ARRB1: variants seen among roughly 807,000 people sequenced by gnomAD.
ARRB1 encodes beta-arrestin-1.
A neutral mutation model predicts 56.8 loss-of-function variants in ARRB1; 21 were observed. That is an observed-to-expected ratio of 0.37 (90% CI 0.26 to 0.53). The LOEUF (loss-of-function observed/expected upper bound fraction) is 0.53. Ranked by LOEUF, ARRB1 falls within the 20% of genes least tolerant of loss-of-function variation. The probability of loss-of-function intolerance (pLI) is 0.88; values close to 1 mark genes in which losing one functional copy is unlikely to be tolerated. For synonymous variants in ARRB1, 210 were observed against 218.6 expected (o/e 0.96, Z 0.35); for missense variants, 424 against 553.7 (o/e 0.77, Z 2.35).
At chr11:75,282,420 AT>A (rs1190471299) in intron 5 of ARRB1, among the ~76,000 whole-genome samples, 1 of 152,232 alleles carries the variant, frequency 6.6e-6, no homozygotes, top group Non-Finnish European at 1.5e-5. Flanking sequence ...GCCTAGTATA[AT>A]CACAAGAGTC....
chr11:75,261,041 T>C lies in ARRB1; in HGVS notation c.*5122A>G, dbSNP rs990128093. 1 of 152,288 alleles carries C rather than the reference T, an allele frequency of 6.6e-6. No individual in the cohort carries two copies. Among genetic ancestry groups the C allele is most frequent in the Non-Finnish European group, 1.5e-5 (1 of 68,116 alleles). The allele number at this position is 152,288 out of a possible 1,614,324, so 9.4% of individuals were successfully genotyped here. On this transcript the variant is annotated 3_prime_UTR_variant, in exon 16 of 16. Coordinates refer to ENST00000420843, the MANE Select transcript of ARRB1 (RefSeq NM_004041.5). Reference sequence around the variant, plus strand: ...TCCTCAGTGGGGGATTGAGCCTGTTTCCTTGCTCCAGAGCTCCCCATGCTT... The same window carrying C: ...TCCTCAGTGGGGGATTGAGCCTGTTCCCTTGCTCCAGAGCTCCCCATGCTT...
intron 6 of ARRB1, 80 bp downstream of exon 6, chr11:75,281,882 C>T: frequency 7.0e-7 from 1 of 1,438,656 alleles, no homozygotes; most frequent in Non-Finnish European, 9.7e-7. Context: ...GTGTGTCCAG[C>T]ACCTCCCAGG....
At chr11:75,274,333 C>G (rs879048254) in intron 10 of ARRB1, 122 bp from the exon 11 acceptor site, 1 of 1,412,160 alleles carries the variant, frequency 7.1e-7, no homozygotes, top group Non-Finnish European at 9.6e-7. Context: ...CAACCTCTGT[C>G]CCCCAGACAC....
intron 1 of ARRB1, chr11:75,312,169 G>C (rs1341427794): frequency 7.8e-7 from 1 of 1,285,774 alleles, no homozygotes; most frequent in African/African-American, 1.5e-5. Flanking sequence ...CGCCCTCCCC[G>C]GGGAGTGGTG....
At chr11:75,277,256 G>T in intron 9 of ARRB1, 108 bp downstream of exon 9, 3 of 1,184,466 alleles carry the variant, frequency 2.5e-6, no homozygotes, top group East Asian at 2.3e-5. Flanking sequence ...GGCTTCAGTG[G>T]CTATTTTTTA....
chr11:75,293,723 C>A (rs1240780905), intron 1 of ARRB1, among the ~76,000 whole-genome samples: 2 of 152,164 alleles, frequency 1.3e-5, no homozygotes, highest in African/African-American at 2.4e-5. Context: ...CCCCACCGCC[C>A]AGGGTAGCTC....
intron 8 of ARRB1, 61 bp downstream of exon 8, chr11:75,278,548 G>GA: frequency 1.2e-6 from 2 of 1,608,840 alleles, no homozygotes; most frequent in Non-Finnish European, 1.7e-6. Context: ...AGAGAGCTGG[G>GA]ATCTGAGGCC....
intron 1 of ARRB1, chr11:75,306,474 T>C (rs965469743): frequency 3.7e-5 from 27 of 723,348 alleles, no homozygotes; most frequent in Admixed American, 9.3e-5. Context: ...GCACATCTCA[T>C]GGAGAGAGGA....
chr11:75,306,776 T>G, intron 1 of ARRB1: 1 of 875,478 alleles, frequency 1.1e-6, no homozygotes, highest in Non-Finnish European at 1.5e-6. Context: ...TCCTGTTTCC[T>G]CTCCTCCTCC....
intron 1 of ARRB1, among the ~76,000 whole-genome samples, chr11:75,333,403 T>G (rs1947550552): frequency 6.6e-6 from 1 of 152,180 alleles, no homozygotes; most frequent in African/African-American, 2.4e-5. Context: ...GTTCAGGGTG[T>G]ATTGAAGGCA....
At position 75,270,714 on chromosome 11, in the gene ARRB1, A is replaced by G. The variant is rs138942262; in HGVS notation, c.1022+987T>C. ...AGGCTGAGTTGGGAGGATGGCTTCC[A>G]CCCAGGAGGCAGAGAAGGTTACAGT... On this transcript the variant is annotated intron_variant, in intron 13 of 15. Coordinates refer to ENST00000420843, the MANE Select transcript of ARRB1 (RefSeq NM_004041.5). 9.6e-3 allele frequency among the ~76,000 whole-genome samples: 1,462 copies of G among 151,890 alleles called. 27 individuals carry two copies. Among genetic ancestry groups the G allele is most frequent in the African/African-American group, 0.031 (1,290 of 41,382 alleles).
intron 11 of ARRB1, among the ~76,000 whole-genome samples, chr11:75,273,219 C>A (rs1227854098): frequency 6.6e-6 from 1 of 152,170 alleles, no homozygotes; most frequent in Non-Finnish European, 1.5e-5. Context: ...CCTGCTGAGC[C>A]CCTCTCCCTG....
chr11:75,283,252 T>C, intron 5 of ARRB1, 35 bp downstream of exon 5: 1 of 1,561,560 alleles, frequency 6.4e-7, no homozygotes, highest in Non-Finnish European at 8.7e-7. Context: ...AGGTGGCATT[T>C]CTGGAATGGG....
At chr11:75,334,187 G>T (rs1021252620) in intron 1 of ARRB1, among the ~76,000 whole-genome samples, 2 of 151,988 alleles carry the variant, frequency 1.3e-5, no homozygotes, top group Non-Finnish European at 2.9e-5. Context: ...AAAATTAGCT[G>T]GGCGTGGTGG....
In ARRB1 at chr11:75,264,794, G is replaced by C. The variant is rs1252247720; in HGVS notation, c.*1369C>G. The C allele has an allele frequency of 2.0e-5, 3 of 152,236 alleles. No individual in the cohort carries two copies. Among genetic ancestry groups the C allele is most frequent in the Non-Finnish European group, 2.9e-5 (2 of 68,076 alleles). 9.4% of individuals were successfully genotyped at this position (152,236 alleles called of 1,614,324 possible). ...AGTGAGAAACTGAGGCCCAGAGTGG[G>C]GAAGGAACTTGCCCAAAGTCACACA... On this transcript the variant is annotated 3_prime_UTR_variant, in exon 16 of 16. Transcript: ENST00000420843.
At position 75,278,648 on chromosome 11, in the gene ARRB1, C is replaced by T. The variant is rs574221802; in HGVS notation, c.579G>A (p.Ser193=). The T allele has an allele frequency of 1.2e-4, 192 of 1,614,144 alleles. 4 individuals are homozygous for T. The South Asian group carries it at 1.7e-3, about 14-fold the overall frequency. The change falls in exon 8 of 16, where the codon TCG becomes TCA. Residue 193 remains serine, a synonymous_variant. Coordinates refer to ENST00000420843, the MANE Select transcript of ARRB1 (RefSeq NM_004041.5). ...AGGCTTCTAGGTGCAAGGGCTTGTC[C>T]GACATGAGGAACTGCCTGGTGGTCT... ...TAETTRQFLM[S]DKPLHLEASL...
intron 5 of ARRB1, 147 bp from the exon 6 acceptor site, chr11:75,282,168 T>A: frequency 1.4e-6 from 1 of 726,058 alleles, no homozygotes; most frequent in Non-Finnish European, 2.3e-6. Context: ...TGCCAAGCCA[T>A]GCCCCATCTA....
chr11:75,276,873 G>C lies in ARRB1; in HGVS notation c.742C>G (p.Gln248Glu), dbSNP rs1946211336. ...YADICLFNTA[Q>E]YKCPVAMEEA... is the part of the protein sequence containing the mutation. ...TCCATGGCAACAGGGCACTTGTACT[G>C]AGCTGTGTTGAAAAGGCAGATGTCT... is the stretch of plus-strand genomic sequence containing the variant. Residue 248 changes from glutamine to glutamate, a missense_variant, in exon 10 of 16, where the codon CAG becomes GAG. This residue lies in a region of ARRB1 where 301 missense variants were observed against 387.9 expected (regional missense o/e 0.78). Coordinates refer to ENST00000420843, the MANE Select transcript of ARRB1 (RefSeq NM_004041.5). 1.9e-6 allele frequency: 3 copies of C among 1,614,206 alleles called. No individual in the cohort carries two copies. In the East Asian group the frequency reaches 6.7e-5, roughly 36 times the overall value.
At chr11:75,318,201 C>T (rs563691700) in intron 1 of ARRB1, among the ~76,000 whole-genome samples, 1 of 125,274 alleles carries the variant, frequency 8.0e-6, no homozygotes, top group South Asian at 2.6e-4. Context: ...GGATCTCACT[C>T]TGTTGCCTCA....
Sources: allele counts gnomAD v4.1 joint callset (sites outside exome capture counted in the v4.1 genomes callset), GRCh38; gene constraint gnomAD v4.1.1; regional missense constraint gnomAD v4.1.1; transcripts MANE v1.5; gene names NCBI Gene and HGNC (gene_info 2026-07-23, HGNC 2026-07-21).